The following MYH16 variants were observed in gnomAD, a reference collection of about 807,000 sequenced individuals.
MYH16 encodes the protein myosin heavy chain 16.
intron 38 of MYH16, 109 bp from the exon 20 acceptor site, chr7:99,302,956 C>T (rs906705422): frequency 3.3e-5 from 5 of 152,276 alleles, no homozygotes; most frequent in African/African-American, 1.2e-4. Flanking sequence ...AGGGCCATTT[C>T]CTGTTGGGGT....
intron 20 of MYH16, among the ~76,000 whole-genome samples, chr7:99,274,760 G>A (rs929384543): frequency 2.2e-5 from 3 of 136,120 alleles, no homozygotes; most frequent in African/African-American, 5.7e-5. Context: ...TGCAACCTCC[G>A]CCTCCCGGGT....
chr7:99,260,287 A>G (rs768580441), exon 12 of MYH16: 7 of 1,560,780 alleles, frequency 4.5e-6, no homozygotes, highest in South Asian at 1.1e-5. Flanking sequence ...GTGGGTCTTC[A>G]TCGACTTTGG....
chr7:99,270,357 T>G (rs1334292070), intron 18 of MYH16, among the ~76,000 whole-genome samples: 1 of 150,392 alleles, frequency 6.6e-6, no homozygotes, highest in Non-Finnish European at 1.5e-5. Context: ...TGTCTTGCTC[T>G]GTTGCCCAGG....
chr7:99,298,997 T>A (rs1286223225), intron 36 of MYH16, among the ~76,000 whole-genome samples: 1 of 151,592 alleles, frequency 6.6e-6, no homozygotes, highest in Non-Finnish European at 1.5e-5. Context: ...GAGGCTGAGA[T>A]GGGAGGATCC....
At chr7:99,302,654 G>C (rs539490015) in intron 38 of MYH16, among the ~76,000 whole-genome samples, 2 of 152,046 alleles carry the variant, frequency 1.3e-5, no homozygotes, top group Non-Finnish European at 2.9e-5. Context: ...GCAGAGGTGG[G>C]AGGACTGCTT....
chr7:99,283,484 AGAAGCGACGACTG>A, intron 23 of MYH16, 68 bp from the exon 6 acceptor site: 1 of 445,340 alleles, frequency 2.2e-6, no homozygotes, highest in Admixed American at 2.4e-5. Flanking sequence ...TGCATAGCTC[AGAAGCGACGACTG>A]AGGATCAGGA....
exon 8 of MYH16, chr7:99,253,759 C>G: frequency 5.2e-6 from 1 of 192,876 alleles, no homozygotes; most frequent in Admixed American, 4.9e-5. Flanking sequence ...CATCTCACAG[C>G]AAGCAGCCGA....
chr7:99,277,680 GAGA>G (rs1307989578), exon 21 of MYH16: 1 of 456,710 alleles, frequency 2.2e-6, no homozygotes, highest in South Asian at 1.5e-5. Flanking sequence ...GCTCAGCCAG[GAGA>G]AGAATGACCT....
chr7:99,306,636 C>T (rs28495305), exon 42 of MYH16: 5,588 of 152,738 alleles, frequency 0.037, 333 homozygotes, highest in African/African-American at 0.12. Context: ...GACCTTGGCT[C>T]GATACAGGAA....
intron 11 of MYH16, among the ~76,000 whole-genome samples, chr7:99,259,573 C>G (rs1448220432): frequency 2.0e-5 from 3 of 151,996 alleles, no homozygotes; most frequent in African/African-American, 7.2e-5. Flanking sequence ...ATTCTCCTGC[C>G]TCAGCCTCCC....
At chr7:99,239,998 C>G (rs1791647916) in intron 1 of MYH16, among the ~76,000 whole-genome samples, 1 of 149,252 alleles carries the variant, frequency 6.7e-6, no homozygotes, top group Admixed American at 6.6e-5. Context: ...TCCTGGGCAA[C>G]TTGGTGAGAC....
At chr7:99,244,263 C>T (rs1446617325) in intron 2 of MYH16, among the ~76,000 whole-genome samples, 1 of 152,198 alleles carries the variant, frequency 6.6e-6, no homozygotes, top group African/African-American at 2.4e-5. Flanking sequence ...TGACTTGTAG[C>T]CTGAGGCACT....
rs560315386 is a variant in MYH16, at chr7:99,301,426, C to T, written n.4934-175C>T. Among the ~76,000 whole-genome samples the T allele has an allele frequency of 2.6e-3, 392 of 152,260 alleles. 1 individual carries two copies. Among genetic ancestry groups the T allele is most frequent in the South Asian group, 6.4e-3 (31 of 4,830 alleles). On this transcript the variant is annotated intron_variant and non_coding_transcript_variant, in intron 37 of 41. Transcript: ENST00000439784. The stretch of plus-strand genomic sequence containing the variant: ...CTGGCCCTGCTGGGGCTCCACCATA[C>T]CATAAACTTCCCAAGACCAGGTCTG...
intron 2 of MYH16, among the ~76,000 whole-genome samples, chr7:99,247,399 T>C (rs1791746232): frequency 6.6e-6 from 1 of 152,218 alleles, no homozygotes. Flanking sequence ...GGTCTCCAAC[T>C]CCTGACATCA....
intron 32 of MYH16, among the ~76,000 whole-genome samples, chr7:99,292,723 G>A (rs1792405682): frequency 4.6e-5 from 7 of 152,206 alleles, no homozygotes; most frequent in Admixed American, 3.9e-4. Context: ...ACTTTGGGAG[G>A]CCAAGGTGGG....
rs1477893870 is a variant in MYH16, at chr7:99,240,144, C to T, written n.210+1106C>T. Reference sequence around the variant, plus strand: ...GAGGCACTTGACACTTTGTTTAATCCTTTTGGCAATCTTATGTGGTAGGAT... The same window carrying T: ...GAGGCACTTGACACTTTGTTTAATCTTTTTGGCAATCTTATGTGGTAGGAT... On this transcript the variant is annotated intron_variant and non_coding_transcript_variant, in intron 1 of 41. Transcript: ENST00000439784. Among the ~76,000 whole-genome samples the T allele has an allele frequency of 2.0e-5, 3 of 151,958 alleles. No individual in the cohort carries two copies. The South Asian group carries it at 6.2e-4, about 32-fold the overall frequency.
At position 99,293,404 on chromosome 7, in the gene MYH16, C is replaced by A. The variant is rs569647811; in HGVS notation, n.4150-614C>A. Among the ~76,000 whole-genome samples the A allele has an allele frequency of 1.5e-4, 23 of 152,306 alleles. No individual in the cohort carries two copies. In the South Asian group the frequency reaches 2.7e-3, roughly 18 times the overall value. On this transcript the variant is annotated intron_variant and non_coding_transcript_variant, in intron 32 of 41. Transcript: ENST00000439784. ...TAAAGCTCTAAGCTAAATTTGCCTT[C>A]CTGCAACTTCCACCTCTGTCCTTCA...
chr7:99,288,356 T>G (rs940938255), intron 29 of MYH16, among the ~76,000 whole-genome samples: 3 of 152,098 alleles, frequency 2.0e-5, no homozygotes, highest in Admixed American at 1.3e-4. Flanking sequence ...GGAGGATCGC[T>G]TGAGCCCAGG....
chr7:99,273,250 TG>T, intron 19 of MYH16, 91 bp from the exon 2 acceptor site: 1 of 443,240 alleles, frequency 2.3e-6, no homozygotes, highest in East Asian at 7.0e-5. Context: ...GTAGATCTGC[TG>T]GCTTCTATTC....
Sources: gnomAD v4.1 joint callset for allele counts (sites outside exome capture counted in the v4.1 genomes callset) on GRCh38, gnomAD v4.1.1 for gene constraint, MANE v1.5 for transcripts, NCBI Gene and HGNC (gene_info 2026-07-23, HGNC 2026-07-21) for gene names.